The following LGR6 variants were observed in gnomAD, a reference collection of about 807,000 sequenced individuals.
LGR6 encodes the protein leucine rich repeat containing G protein-coupled receptor 6.
Under a neutral mutation model 69.4 loss-of-function variants are expected in LGR6, and 45 were observed. The ratio of observed to expected loss-of-function variants is 0.65; its 90% CI spans 0.51 to 0.83. LGR6 has a LOEUF of 0.83. Among genes scored for constraint, LGR6 ranks in the 40% least tolerant of loss-of-function variants. The pLI is 0.00. For missense variants in LGR6, 1,108 were observed against 1,246.7 expected, an observed-to-expected ratio of 0.89 and a Z score of 1.68; for synonymous variants, 538 against 555.0, an observed-to-expected ratio of 0.97 and a Z score of 0.43.
At position 202,311,533 on chromosome 1, in the gene LGR6, G is replaced by A. The variant is rs575410554; in HGVS notation, c.1567+1176G>A. On this transcript the variant is annotated intron_variant, in intron 16 of 17. Coordinates refer to ENST00000367278, the MANE Select transcript of LGR6 (RefSeq NM_001017403.2). The stretch of plus-strand genomic sequence containing the variant: ...AAATTAGCCAGTCATGGTGGCATGC[G>A]CCTGTAGTCCCAGCTACTTGGGAGG... Among the ~76,000 whole-genome samples the A allele has an allele frequency of 7.4e-4, 112 of 152,280 alleles. 1 individual carries two copies. Among genetic ancestry groups the A allele is most frequent in the Admixed American group, 1.9e-3 (29 of 15,296 alleles).
intron 6 of LGR6, among the ~76,000 whole-genome samples, chr1:202,285,481 C>T (rs965258093): frequency 1.3e-5 from 2 of 152,188 alleles, no homozygotes; most frequent in African/African-American, 2.4e-5. Context: ...TCAAGAGCCT[C>T]GATTTCCACA....
chr1:202,214,605 T>G (rs1013595766), intron 1 of LGR6, among the ~76,000 whole-genome samples: 2 of 152,160 alleles, frequency 1.3e-5, no homozygotes, highest in African/African-American at 2.4e-5. Context: ...TGTGGCACAG[T>G]GGGAAGTAAC....
chr1:202,235,360 G>T (rs1003807394), intron 3 of LGR6, among the ~76,000 whole-genome samples: 11 of 152,166 alleles, frequency 7.2e-5, no homozygotes, highest in Non-Finnish European at 1.3e-4. Flanking sequence ...GAGGGATTAG[G>T]TGAGATTGGG....
intron 8 of LGR6, 113 bp downstream of exon 8, chr1:202,301,033 G>A: frequency 1.6e-6 from 2 of 1,286,384 alleles, no homozygotes. Context: ...GCAGAAGTAT[G>A]GGAGGGGTTG....
At chr1:202,303,757 C>T (rs1038558440) in intron 10 of LGR6, among the ~76,000 whole-genome samples, 1 of 152,122 alleles carries the variant, frequency 6.6e-6, no homozygotes, top group Non-Finnish European at 1.5e-5. Context: ...GCAGGAGTGC[C>T]GACGCATAGT....
intron 1 of LGR6, among the ~76,000 whole-genome samples, chr1:202,211,911 C>T (rs1659476850): frequency 6.6e-6 from 1 of 152,084 alleles, no homozygotes; most frequent in Non-Finnish European, 1.5e-5. Context: ...GTGTTTTGAA[C>T]CTTATCATAA....
At chr1:202,292,374 A>G (rs1315821208) in intron 6 of LGR6, among the ~76,000 whole-genome samples, 1 of 152,246 alleles carries the variant, frequency 6.6e-6, no homozygotes, top group East Asian at 1.9e-4. Flanking sequence ...GCTGTGACAT[A>G]TAGACTGAAA....
At chr1:202,306,794 C>G in intron 12 of LGR6, 74 bp from the exon 13 acceptor site, 1 of 1,361,252 alleles carries the variant, frequency 7.3e-7, no homozygotes, top group Non-Finnish European at 1.0e-6. Flanking sequence ...TTTCTTCCTC[C>G]CAGTGCTCGG....
At chr1:202,221,151 G>A (rs920024367) in intron 1 of LGR6, among the ~76,000 whole-genome samples, 1 of 152,096 alleles carries the variant, frequency 6.6e-6, no homozygotes, top group Non-Finnish European at 1.5e-5. Flanking sequence ...AGGGGACCCA[G>A]GGGCTTGTTT....
intron 6 of LGR6, among the ~76,000 whole-genome samples, chr1:202,287,541 C>T (rs1666479948): frequency 6.6e-6 from 1 of 152,180 alleles, no homozygotes; most frequent in Non-Finnish European, 1.5e-5. Flanking sequence ...TATTCAAAGG[C>T]CTTCTTAACA....
At chr1:202,202,147 G>C (rs1304688333) in intron 1 of LGR6, among the ~76,000 whole-genome samples, 1 of 152,188 alleles carries the variant, frequency 6.6e-6, no homozygotes, top group Non-Finnish European at 1.5e-5. Context: ...GCCAGGAGAA[G>C]GGGAAGCCAT....
chr1:202,314,502 G>A (rs1429928666), intron 16 of LGR6, among the ~76,000 whole-genome samples: 2 of 152,182 alleles, frequency 1.3e-5, no homozygotes, highest in South Asian at 2.1e-4. Context: ...ACTCCAACTC[G>A]AAGCAGCACT....
intron 1 of LGR6, among the ~76,000 whole-genome samples, chr1:202,209,013 G>C: frequency 6.6e-6 from 1 of 152,052 alleles, no homozygotes; most frequent in East Asian, 1.9e-4. Context: ...ACCTCGGCTG[G>C]GACCTCCAGA....
chr1:202,306,939 TG>T lies in LGR6; in HGVS notation c.1208+1del, dbSNP rs1653266067. 2 of 1,613,726 alleles carry T rather than the reference TG, an allele frequency of 1.2e-6. No individual in the cohort carries two copies. The highest frequency in any genetic ancestry group is 1.7e-6 in the Non-Finnish European group (2 of 1,179,812). ...AGCCAGCTGAGCTCCCTGCAAGCCCTGTGAGTACCCACATCCAGGGGTGGGC... is the reference window on the plus strand; with the variant it reads ...AGCCAGCTGAGCTCCCTGCAAGCCCTTGAGTACCCACATCCAGGGGTGGGC... On this transcript the variant is annotated splice_donor_variant, in intron 13 of 17. Coordinates refer to ENST00000367278, the MANE Select transcript of LGR6 (RefSeq NM_001017403.2). LOFTEE classifies it high-confidence loss of function.
chr1:202,211,682 A>G (rs1055843111), intron 1 of LGR6, among the ~76,000 whole-genome samples: 1 of 152,174 alleles, frequency 6.6e-6, no homozygotes, highest in Non-Finnish European at 1.5e-5. Context: ...TTTTTAAACT[A>G]AATATAATAT....
At chr1:202,201,630 A>G (rs1252345113) in intron 1 of LGR6, among the ~76,000 whole-genome samples, 3 of 152,180 alleles carry the variant, frequency 2.0e-5, no homozygotes, top group East Asian at 1.9e-4. Context: ...GGGGTTTCCA[A>G]ACTCCAAGGG....
chr1:202,273,048 G>A (rs149771300), intron 4 of LGR6, among the ~76,000 whole-genome samples: 169 of 152,294 alleles, frequency 1.1e-3, no homozygotes, highest in African/African-American at 1.8e-3. Context: ...GAATTTTGAC[G>A]TTAGACAACT....
chr1:202,273,202 A>C (rs1280587938), intron 4 of LGR6, among the ~76,000 whole-genome samples: 1 of 152,196 alleles, frequency 6.6e-6, no homozygotes, highest in Non-Finnish European at 1.5e-5. Context: ...TATACCTGGC[A>C]TATGACAAGG....
chr1:202,245,081 C>A (rs894554244), intron 4 of LGR6, among the ~76,000 whole-genome samples: 22 of 152,192 alleles, frequency 1.4e-4, no homozygotes, highest in Admixed American at 1.2e-3. Context: ...TCTAGTGAAC[C>A]CTGTTGGCAC....
Sources: gnomAD v4.1 joint callset for allele counts (sites outside exome capture counted in the v4.1 genomes callset) on GRCh38, gnomAD v4.1.1 for gene constraint, MANE v1.5 for transcripts, NCBI Gene and HGNC (gene_info 2026-07-23, HGNC 2026-07-21) for gene names.